Variants in UGT3A2 observed in about 807,000 individuals in gnomAD.
The protein encoded by UGT3A2 is UDP-glycosyltransferase 3A2.
UGT3A2 carries 32 observed loss-of-function variants against 39.8 expected under a neutral mutation model. The ratio of observed to expected loss-of-function variants is 0.80; its 90% confidence interval spans 0.61 to 1.08. The LOEUF (loss-of-function observed/expected upper bound fraction) is 1.08. UGT3A2 is among the 50% of genes least tolerant of loss of function. The pLI, the probability that UGT3A2 is intolerant of heterozygous loss-of-function variation, is 0.00. For missense variants in UGT3A2, 611 were observed against 637.1 expected (o/e 0.96, Z 0.44); for synonymous variants, 241 against 230.7 (o/e 1.04, Z -0.40).
In UGT3A2 at chr5:36,066,727, C is replaced by T. The variant is rs749672529; in HGVS notation, c.63G>A (p.Glu21=). ...GFLLPGVLLS[E]AAKILTISTV... Reference sequence around the variant, plus strand: ...TAGATATTGTCAGGATTTTGGCAGCCTCTGAGAGCAGGACCCCAGGGAGAA... The same window carrying T: ...TAGATATTGTCAGGATTTTGGCAGCTTCTGAGAGCAGGACCCCAGGGAGAA... Residue 21 remains glutamate, a synonymous_variant, in exon 1 of 7, where the codon GAG becomes GAA. Coordinates refer to ENST00000282507, the MANE Select transcript of UGT3A2 (RefSeq NM_174914.4). The T allele has an allele frequency of 1.9e-6, 3 of 1,614,178 alleles. No individual in the cohort carries two copies. Among genetic ancestry groups the T allele is most frequent in the South Asian group, 2.2e-5 (2 of 91,086 alleles).
intron 4 of UGT3A2, among the ~76,000 whole-genome samples, chr5:36,048,477 C>T (rs916294346): frequency 6.6e-6 from 1 of 152,208 alleles, no homozygotes; most frequent in African/African-American, 2.4e-5. Context: ...CCTGCTTACT[C>T]CGAATCCATA....
At chr5:36,064,706 C>T (rs889580120) in intron 1 of UGT3A2, among the ~76,000 whole-genome samples, 1 of 152,120 alleles carries the variant, frequency 6.6e-6, no homozygotes, top group African/African-American at 2.4e-5. Context: ...AAAGAAATCA[C>T]GGCACTGGTG....
chr5:36,043,857 G>A (rs932154601), intron 4 of UGT3A2, among the ~76,000 whole-genome samples: 2 of 152,006 alleles, frequency 1.3e-5, no homozygotes, highest in Non-Finnish European at 2.9e-5. Flanking sequence ...GACTAAAGTT[G>A]TAATAAAAAG....
chr5:36,064,329 A>C lies in UGT3A2; in HGVS notation c.116T>G (p.Met39Arg). The C allele has an allele frequency of 6.2e-7, 1 of 1,614,228 alleles. No homozygotes were observed. Among genetic ancestry groups the C allele is most frequent in the Non-Finnish European group, 8.5e-7 (1 of 1,180,034 alleles). ...STVGGSHYLL[M>R]DRVSQILQDH... ...TTGAAGAATCTGAGAAACCCGGTCCATCAGTAGATAATGGCTTCCACCTAG... is the reference window on the plus strand; with the variant it reads ...TTGAAGAATCTGAGAAACCCGGTCCCTCAGTAGATAATGGCTTCCACCTAG... Residue 39 changes from methionine (M) to arginine (R), a missense_variant, in exon 2 of 7, where the codon ATG becomes AGG. Met to Arg is a moderately conservative substitution (Grantham distance 91). Transcript: ENST00000282507.
intron 3 of UGT3A2, 27 bp downstream of exon 3, chr5:36,051,843 T>C: frequency 6.5e-7 from 1 of 1,526,878 alleles, no homozygotes; most frequent in African/African-American, 1.4e-5. Flanking sequence ...GGTGACCTTT[T>C]TGTTCAAAGA....
At position 36,035,886 on chromosome 5, in the gene UGT3A2, C is replaced by T. The variant is rs545963580; in HGVS notation, c.1384G>A (p.Val462Ile). The T allele has an allele frequency of 3.3e-5, 54 of 1,614,126 alleles. No individual in the cohort carries two copies. Among genetic ancestry groups the T allele is most frequent in the African/African-American group, 1.7e-4 (13 of 75,030 alleles). Residue 462 changes from valine (V) to isoleucine (I), a missense_variant, in exon 7 of 7, where the codon GTC becomes ATC. Coordinates refer to ENST00000282507, the MANE Select transcript of UGT3A2 (RefSeq NM_174914.4). ...TQRLVGWIDH[V>I]LQTGGATHLK... Reference sequence around the variant, plus strand: ...TGCGTCGCGCCCCCTGTCTGGAGGACGTGGTCAATCCAGCCCACCAGCCGC... The same window carrying T: ...TGCGTCGCGCCCCCTGTCTGGAGGATGTGGTCAATCCAGCCCACCAGCCGC...
Position 36,046,216 on chromosome 5 carries a change from C to G in UGT3A2, c.843+2673G>C, listed in dbSNP as rs1486590973. Among the ~76,000 whole-genome samples the G allele has an allele frequency of 2.6e-5, 4 of 152,288 alleles. No homozygotes were observed. The East Asian group carries it at 7.7e-4, about 29-fold the overall frequency. On this transcript the variant is annotated intron_variant, in intron 4 of 6. Transcript: ENST00000282507. The stretch of plus-strand genomic sequence containing the variant: ...AGCAGTTTAGAGGTTCATCGAAAAA[C>G]TAAAACTAGAACTACCATATGATTC...
At chr5:36,046,565 T>C (rs965663463) in intron 4 of UGT3A2, among the ~76,000 whole-genome samples, 5 of 152,114 alleles carry the variant, frequency 3.3e-5, no homozygotes, top group African/African-American at 1.2e-4. Flanking sequence ...ATTAAAACAA[T>C]TAAACTCATG....
intron 2 of UGT3A2, among the ~76,000 whole-genome samples, chr5:36,058,551 C>T (rs945446626): frequency 6.6e-6 from 1 of 152,088 alleles, no homozygotes; most frequent in Non-Finnish European, 1.5e-5. Context: ...TGCAGTGCTT[C>T]TTGTGATTAG....
At chr5:36,040,997 T>C (rs567320484) in intron 4 of UGT3A2, among the ~76,000 whole-genome samples, 4 of 152,286 alleles carry the variant, frequency 2.6e-5, no homozygotes, top group African/African-American at 9.6e-5. Flanking sequence ...TCCTAACATC[T>C]CCACATCTAG....
chr5:36,063,252 G>A (rs1742769045), intron 2 of UGT3A2, among the ~76,000 whole-genome samples: 1 of 152,038 alleles, frequency 6.6e-6, no homozygotes, highest in Non-Finnish European at 1.5e-5. Context: ...TTCATATTGA[G>A]CAATTTGGAG....
In UGT3A2 at chr5:36,049,419, C is replaced by A; in HGVS notation, c.313G>T (p.Gly105Ter). ...ACATTTAATAAGTTTTCAAATTTTC[C>A]TCTGTAAGAAAAAAATGATAATAAA... Reference protein sequence around the residue: ...FFLEETLGGRGKFENLLNVLE... With the variant: ...FFLEETLGGR Residue 105 changes from glycine (G) to a stop codon, truncating the protein, a stop_gained and splice_region_variant, in exon 4 of 7, where the codon GGA becomes TGA. Transcript: ENST00000282507. LOFTEE classifies it high-confidence loss of function. 6.5e-7 allele frequency: 1 copy of A among 1,543,436 alleles called. No individual in the cohort carries two copies. Among genetic ancestry groups the A allele is most frequent in the South Asian group, 1.3e-5 (1 of 79,104 alleles).
intron 4 of UGT3A2, among the ~76,000 whole-genome samples, chr5:36,047,210 T>G (rs1419909021): frequency 3.3e-5 from 5 of 152,176 alleles, no homozygotes; most frequent in Non-Finnish European, 7.4e-5. Context: ...ATCTTACACA[T>G]ATTGATTGGT....
chr5:36,041,914 CACCAGCA>C (rs1742020763), intron 4 of UGT3A2, among the ~76,000 whole-genome samples: 1 of 152,044 alleles, frequency 6.6e-6, no homozygotes, highest in Admixed American at 6.6e-5. Flanking sequence ...CCAAATAAGG[CACCAGCA>C]ACTAATCCTG....
At chr5:36,039,853 G>C in intron 4 of UGT3A2, 145 bp from the exon 5 acceptor site, 1 of 653,146 alleles carries the variant, frequency 1.5e-6, no homozygotes, top group South Asian at 1.9e-5. Context: ...AGTATAGCTC[G>C]ATACTAGCTG....
intron 4 of UGT3A2, among the ~76,000 whole-genome samples, chr5:36,041,826 A>G (rs1742017005): frequency 6.6e-6 from 1 of 152,058 alleles, no homozygotes; most frequent in East Asian, 1.9e-4. Context: ...TAAATACTTA[A>G]CTCTTCAATG....
At chr5:36,045,047 CA>C (rs1561491303) in intron 4 of UGT3A2, among the ~76,000 whole-genome samples, 1 of 152,034 alleles carries the variant, frequency 6.6e-6, no homozygotes, top group Admixed American at 6.6e-5. Flanking sequence ...GCAAAAAGAA[CA>C]AAACTGGAAG....
Position 36,066,686 on chromosome 5 carries a change from A to C in UGT3A2, c.94+10T>G. On this transcript the variant is annotated intron_variant, in intron 1 of 6. Transcript: ENST00000282507. ...GCGCCTGTCTGGGAATTCTCCGGCC[A>C]AGCACTCACCTACTGTAGATATTGT... 1 of 1,614,036 alleles carries C rather than the reference A, an allele frequency of 6.2e-7. No individual in the cohort carries two copies. Among genetic ancestry groups the C allele is most frequent in the Non-Finnish European group, 8.5e-7 (1 of 1,179,970 alleles).
intron 4 of UGT3A2, among the ~76,000 whole-genome samples, chr5:36,041,123 C>T (rs62354166): frequency 6.6e-6 from 1 of 151,648 alleles, no homozygotes; most frequent in Non-Finnish European, 1.5e-5. Context: ...CAAAAGCCCT[C>T]GGGCCTAAAA....
Sources: allele counts gnomAD v4.1 joint callset (sites outside exome capture counted in the v4.1 genomes callset), GRCh38; gene constraint gnomAD v4.1.1; transcripts MANE v1.5; gene names NCBI Gene and HGNC (gene_info 2026-07-23, HGNC 2026-07-21).